PLEKHH3: variants seen among roughly 807,000 people sequenced by gnomAD.
PLEKHH3 encodes the protein pleckstrin homology, MyTH4 and FERM domain containing H3.
In PLEKHH3, 57 loss-of-function variants were observed where a neutral mutation model predicts 77.8. The observed-to-expected ratio is 0.73, with a 90% confidence interval of 0.59 to 0.91. PLEKHH3 has a LOEUF of 0.91. PLEKHH3 is among the 40% of genes least tolerant of loss of function. The pLI, the probability that PLEKHH3 is intolerant of heterozygous loss-of-function variation, is 0.00. For missense variants in PLEKHH3, 1,082 were observed against 1,091.2 expected, an observed-to-expected ratio of 0.99 and a Z score of 0.12; for synonymous variants, 467 against 504.8, an observed-to-expected ratio of 0.93 and a Z score of 1.00.
At chr17:42,674,045 C>T in intron 2 of PLEKHH3, 32 bp from the exon 3 acceptor site, 1 of 1,606,538 alleles carries the variant, frequency 6.2e-7, no homozygotes, top group South Asian at 1.1e-5. Context: ...GTTGGGTCTC[C>T]ACTCTGCCTC....
rs762595197 is a variant in PLEKHH3 at position 42,669,413 on chromosome 17, C to G, written c.2205+17G>C. 6 of 1,510,780 alleles carry G rather than the reference C, an allele frequency of 4.0e-6. No individual in the cohort carries two copies. Among genetic ancestry groups the G allele is most frequent in the Non-Finnish European group, 5.3e-6 (6 of 1,127,440 alleles). The allele number at this position is 1,510,780 out of a possible 1,614,324, so 93.6% of individuals were successfully genotyped here. A position where few individuals can be genotyped will look rare whatever the true frequency, so the allele number is the denominator to read the frequency against. On this transcript the variant is annotated intron_variant, in intron 12 of 12. Transcript: ENST00000591022. ...CTTCCCTTCTCTCCTCCTCCCACAACTCCTCTTCTCACTCACCTGGGGGCT... is the reference window on the plus strand; with the variant it reads ...CTTCCCTTCTCTCCTCCTCCCACAAGTCCTCTTCTCACTCACCTGGGGGCT...
chr17:42,671,390 G>A lies in PLEKHH3; in HGVS notation c.1245C>T (p.Ala415=). The change falls in exon 8 of 13, where the codon GCC becomes GCT. Residue 415 remains alanine, a synonymous_variant. Transcript: ENST00000591022. This position sits in a 1 kb window ranked among gnomAD's most constrained non-coding sequence, Gnocchi z 4.7. ...TGTGGGAGTCGATGGCCACAGCACA[G>A]GCACCAGCCCCCGGACAGTGCACGG... ...LCTVHCPGAG[A]CAVAIDSHTT... 1.2e-6 allele frequency: 2 copies of A among 1,613,092 alleles called. No homozygotes were observed. Among genetic ancestry groups the A allele is most frequent in the Non-Finnish European group, 1.7e-6 (2 of 1,179,992 alleles).
At position 42,670,688 on chromosome 17, in the gene PLEKHH3, G is replaced by A. The variant is rs2052677149; in HGVS notation, c.1439C>T (p.Ala480Val). ...GGAGTCGGGCGAGTCCTCCAACCCA[G>A]CTTCCTCCGCGGCCAAGCTGCAGAA... ...TRFENLAAEE[A>V]GLEDSPDSGW... The change falls in exon 10 of 13, where the codon GCT (alanine) becomes GTT (valine). Residue 480 changes from alanine (A) to valine (V), a missense_variant. This residue lies in a region of PLEKHH3 where 733 missense variants were observed against 750.0 expected (regional missense o/e 0.98). Coordinates refer to ENST00000591022, the MANE Select transcript of PLEKHH3 (RefSeq NM_024927.5). 4 of 1,612,654 alleles carry A rather than the reference G, an allele frequency of 2.5e-6. No individual in the cohort carries two copies. Among genetic ancestry groups the A allele is most frequent in the African/African-American group, 2.7e-5 (2 of 75,044 alleles).
At chr17:42,669,821 T>A (rs1465976031) in intron 11 of PLEKHH3, 97 bp downstream of exon 11, 6 of 1,555,768 alleles carry the variant, frequency 3.9e-6, no homozygotes, top group Non-Finnish European at 4.3e-6. Flanking sequence ...CTGTTCTGGA[T>A]GTGGGGAATT....
intron 9 of PLEKHH3, 124 bp downstream of exon 9, chr17:42,670,870 T>C: frequency 6.5e-7 from 1 of 1,532,912 alleles, no homozygotes; most frequent in Non-Finnish European, 8.8e-7. Context: ...CAGGTCCGTC[T>C]GTAAACCAGC....
chr17:42,674,414 G>GGA lies in PLEKHH3; in HGVS notation c.163-7_163-6dup. On this transcript the variant is annotated splice_region_variant and splice_polypyrimidine_tract_variant and intron_variant, in intron 1 of 12. Coordinates refer to ENST00000591022, the MANE Select transcript of PLEKHH3 (RefSeq NM_024927.5). Reference sequence around the variant, plus strand: ...CAGCGTCACTTCCAGGGGACCCTGGGGAGACAGGCGGGGAAGCCCTCAGGG... The same window carrying GGA: ...CAGCGTCACTTCCAGGGGACCCTGGGGAGAGACAGGCGGGGAAGCCCTCAGGG... The GGA allele has an allele frequency of 6.3e-7, 1 of 1,586,696 alleles. No individual in the cohort carries two copies. The highest frequency in any genetic ancestry group is 8.6e-7 in the Non-Finnish European group (1 of 1,167,780).
rs1217814387 is a variant in PLEKHH3 at position 42,669,507 on chromosome 17, C to T, written c.2128G>A (p.Ala710Thr). Residue 710 changes from alanine to threonine, a missense_variant, in exon 12 of 13, where the codon GCC (alanine) becomes ACC (threonine). By Grantham distance (58) the Ala-to-Thr change is moderately conservative. This residue lies in a region of PLEKHH3 where 733 missense variants were observed against 750.0 expected (regional missense o/e 0.98). Coordinates refer to ENST00000591022, the MANE Select transcript of PLEKHH3 (RefSeq NM_024927.5). ...PIHSVSYGHV[A>T]ACQLMGPHTL... ...TGGGGGCCCATTAGCTGGCAGGCGG[C>T]CACATGGCCATAGCTGACACTGTGG... 1 of 1,606,716 alleles carries T rather than the reference C, an allele frequency of 6.2e-7. No individual in the cohort carries two copies. Among genetic ancestry groups the T allele is most frequent in the Non-Finnish European group, 8.5e-7 (1 of 1,175,090 alleles).
chr17:42,673,445 T>C lies in PLEKHH3; in HGVS notation c.602A>G (p.Lys201Arg). The change falls in exon 5 of 13, where the codon AAG (lysine) becomes AGG (arginine). Residue 201 changes from lysine (K) to arginine (R), a missense_variant. Lys to Arg is a conservative substitution (Grantham distance 26, BLOSUM62 2). Transcript: ENST00000591022. Reference protein sequence around the residue: ...GVALREVIASKAPLETPTQLL... With the variant: ...GVALREVIASRAPLETPTQLL... The stretch of plus-strand genomic sequence containing the variant: ...CTGGGTGGGGGTCTCCAGGGGTGCC[T>C]TGGAGGCGATCACTTCCCGCAATGC... 6.2e-7 allele frequency: 1 copy of C among 1,613,244 alleles called. No homozygotes were observed. Among genetic ancestry groups the C allele is most frequent in the Non-Finnish European group, 8.5e-7 (1 of 1,179,890 alleles).
rs2052834942 is a variant in PLEKHH3, at chr17:42,676,645, C to G, written c.-82G>C. On this transcript the variant is annotated 5_prime_UTR_variant, in exon 1 of 13. Transcript: ENST00000591022. This position sits in a 1 kb window ranked among gnomAD's most constrained non-coding sequence, Gnocchi z 6.6. ...CGGAGGAACTGGCGGGGCTCCGACC[C>G]GAGCAGGGGAAAGATGAGGTGGGAG... 4 of 1,349,448 alleles carry G rather than the reference C, an allele frequency of 3.0e-6. No homozygotes were observed. Among genetic ancestry groups the G allele is most frequent in the Non-Finnish European group, 4.1e-6 (4 of 978,470 alleles). 83.6% of individuals were successfully genotyped at this position (1,349,448 alleles called of 1,614,324 possible). A position where few individuals can be genotyped will look rare whatever the true frequency, so the allele number is the denominator to read the frequency against.
chr17:42,668,345 G>T (rs1469646733), intron 12 of PLEKHH3, 42 bp from the exon 13 acceptor site: 4 of 1,459,176 alleles, frequency 2.7e-6, no homozygotes, highest in East Asian at 5.5e-5. Context: ...GGGCTGCCAG[G>T]TTCTCTTCTT....
chr17:42,674,176 G>A (rs1368477016), intron 2 of PLEKHH3, among the ~76,000 whole-genome samples, 163 bp from the exon 3 acceptor site: 1 of 152,044 alleles, frequency 6.6e-6, no homozygotes, highest in African/African-American at 2.4e-5. Flanking sequence ...AAATAGCCCC[G>A]ACCCCCCTCT....
In PLEKHH3 at chr17:42,676,006, C is replaced by G; in HGVS notation, c.162+396G>C. 1 of 1,077,274 alleles carries G rather than the reference C, an allele frequency of 9.3e-7. No individual in the cohort carries two copies. Among genetic ancestry groups the G allele is most frequent in the Non-Finnish European group, 1.1e-6 (1 of 888,170 alleles). The allele number at this position is 1,077,274 out of a possible 1,614,324, so 66.7% of individuals were successfully genotyped here. A position where few individuals can be genotyped will look rare whatever the true frequency, so the allele number is the denominator to read the frequency against. On this transcript the variant is annotated intron_variant, in intron 1 of 12. Transcript: ENST00000591022. This position sits in a 1 kb window ranked among gnomAD's most constrained non-coding sequence, Gnocchi z 6.6. ...CTCTCGCATCTGGCCTCCGCACTTG[C>G]GAACTGGGAGCGGAGGGGGACCCAG...
chr17:42,676,651 G>T lies in PLEKHH3; in HGVS notation c.-88C>A. ...AACTGGCGGGGCTCCGACCCGAGCA[G>T]GGGAAAGATGAGGTGGGAGGAGCAG... On this transcript the variant is annotated 5_prime_UTR_variant, in exon 1 of 13. The change creates a new upstream start codon in the 5' untranslated region. Coordinates refer to ENST00000591022, the MANE Select transcript of PLEKHH3 (RefSeq NM_024927.5). The surrounding 1 kb of genome is among the most constrained non-coding windows in gnomAD (Gnocchi z 6.6). The T allele has an allele frequency of 7.7e-7, 1 of 1,295,594 alleles. No homozygotes were observed. The allele number at this position is 1,295,594 out of a possible 1,614,324, so 80.3% of individuals were successfully genotyped here. A position where few individuals can be genotyped will look rare whatever the true frequency, so the allele number is the denominator to read the frequency against.
chr17:42,668,337 GC>G (rs754751678), intron 12 of PLEKHH3, 34 bp from the exon 13 acceptor site: 1 of 1,474,336 alleles, frequency 6.8e-7, no homozygotes, highest in South Asian at 1.4e-5. Flanking sequence ...TGCAACAGGG[GC>G]TGCCAGGTTC....
At chr17:42,672,812 G>T (rs753137977) in intron 6 of PLEKHH3, among the ~76,000 whole-genome samples, 29 of 152,120 alleles carry the variant, frequency 1.9e-4, no homozygotes, top group Admixed American at 3.9e-4. Context: ...ACCGTTTAGG[G>T]AGAAGTACAG....
Position 42,676,326 on chromosome 17 carries a change from A to T in PLEKHH3, c.162+76T>A. ...CGCCAAGCGCGCAGCGTGTGGCTGG[A>T]GGCTGGAGCGGATCAGCGTGACGGC... On this transcript the variant is annotated intron_variant, in intron 1 of 12. Coordinates refer to ENST00000591022, the MANE Select transcript of PLEKHH3 (RefSeq NM_024927.5). This position sits in a 1 kb window ranked among gnomAD's most constrained non-coding sequence, Gnocchi z 6.6. The T allele has an allele frequency of 6.3e-7, 1 of 1,579,480 alleles. No individual in the cohort carries two copies.
intron 6 of PLEKHH3, 86 bp from the exon 7 acceptor site, chr17:42,672,478 C>A: frequency 1.6e-6 from 2 of 1,219,322 alleles, no homozygotes; most frequent in Non-Finnish European, 2.2e-6. Flanking sequence ...AGGGGAAGGT[C>A]AGAGGGAATA....
rs1215228468 is a variant in PLEKHH3 at position 42,671,772 on chromosome 17, C to T, written c.1077-214G>A. On this transcript the variant is annotated intron_variant, in intron 7 of 12. Coordinates refer to ENST00000591022, the MANE Select transcript of PLEKHH3 (RefSeq NM_024927.5). The surrounding 1 kb of genome is among the most constrained non-coding windows in gnomAD (Gnocchi z 4.7). ...GCAGCTTTCTCCCAACTGCCTCCAC[C>T]ACTTCCAAAAGTCTTCGTGATCTTC... is the stretch of plus-strand genomic sequence containing the variant. 6.6e-6 allele frequency among the ~76,000 whole-genome samples: 1 copy of T among 152,196 alleles called. No homozygotes were observed. Among genetic ancestry groups the T allele is most frequent in the Non-Finnish European group, 1.5e-5 (1 of 68,038 alleles).
chr17:42,668,046 A>G lies in PLEKHH3; in HGVS notation c.*81T>C. On this transcript the variant is annotated 3_prime_UTR_variant, in exon 13 of 13. Transcript: ENST00000591022. ...TGTGCCCTGTCCCTGCAGGGCCAAA[A>G]GGGTCCATGTTTCCCTCAAATCTCA... 1 of 1,219,732 alleles carries G rather than the reference A, an allele frequency of 8.2e-7. No homozygotes were observed. Among genetic ancestry groups the G allele is most frequent in the Non-Finnish European group, 1.0e-6 (1 of 963,296 alleles). The allele number at this position is 1,219,732 out of a possible 1,614,324, so 75.6% of individuals were successfully genotyped here. A position where few individuals can be genotyped will look rare whatever the true frequency, so the allele number is the denominator to read the frequency against.
Sources: allele counts gnomAD v4.1 joint callset (sites outside exome capture counted in the v4.1 genomes callset), GRCh38; gene constraint gnomAD v4.1.1; regional missense constraint gnomAD v4.1.1; non-coding constraint Gnocchi (gnomAD v3.1); transcripts MANE v1.5; gene names NCBI Gene and HGNC (gene_info 2026-07-23, HGNC 2026-07-21).